The following FNDC3B variants were observed in gnomAD, a reference collection of about 807,000 sequenced individuals.
The protein encoded by FNDC3B is fibronectin type III domain containing 3B, also known as fibronectin type III domain-containing protein 3B.
A neutral mutation model predicts 151.5 loss-of-function variants in FNDC3B; 12 were observed. The ratio of observed to expected loss-of-function variants is 0.08; its 90% CI spans 0.05 to 0.13. The LOEUF is 0.13. Ranked by LOEUF, FNDC3B falls within the 10% of genes least tolerant of loss-of-function variation. The pLI is 1.00. For missense variants in FNDC3B, 1,214 were observed against 1,505.3 expected, an observed-to-expected ratio of 0.81 and a Z score of 3.20; for synonymous variants, 528 against 549.0, an observed-to-expected ratio of 0.96 and a Z score of 0.54.
intron 5 of FNDC3B, among the ~76,000 whole-genome samples, chr3:172,249,582 A>G (rs1727958967): frequency 6.6e-6 from 1 of 152,204 alleles, no homozygotes; most frequent in South Asian, 2.1e-4. Context: ...TCTAAACTAT[A>G]AGAGTTTTAA....
intron 4 of FNDC3B, among the ~76,000 whole-genome samples, chr3:172,229,117 AC>A (rs1560028716): frequency 2.8e-4 from 42 of 151,258 alleles, no homozygotes; most frequent in Middle Eastern, 6.8e-3. Context: ...ACACACACAC[AC>A]ACACACACAC....
intron 3 of FNDC3B, among the ~76,000 whole-genome samples, chr3:172,135,105 C>CT (rs767400475): frequency 2.0e-5 from 3 of 152,048 alleles, no homozygotes; most frequent in Non-Finnish European, 4.4e-5. Context: ...GTAACATTGG[C>CT]ACCCCATTAA....
intron 1 of FNDC3B, among the ~76,000 whole-genome samples, chr3:172,055,606 G>C (rs150485519): frequency 6.6e-6 from 1 of 152,072 alleles, no homozygotes; most frequent in African/African-American, 2.4e-5. Flanking sequence ...GATTATTTTA[G>C]CTTCATTTAG....
intron 22 of FNDC3B, among the ~76,000 whole-genome samples, chr3:172,356,081 T>G (rs1734081576): frequency 6.6e-6 from 1 of 152,224 alleles, no homozygotes; most frequent in Non-Finnish European, 1.5e-5. Context: ...TAAAAAAGGC[T>G]TAAAAATAAC....
intron 23 of FNDC3B, among the ~76,000 whole-genome samples, chr3:172,368,386 C>T (rs1163329486): frequency 1.3e-5 from 2 of 152,036 alleles, no homozygotes; most frequent in East Asian, 1.9e-4. Flanking sequence ...ACCATGTTGC[C>T]AAATTAAATG....
intron 1 of FNDC3B, among the ~76,000 whole-genome samples, chr3:172,097,847 G>A (rs1431421023): frequency 6.6e-6 from 1 of 152,122 alleles, no homozygotes; most frequent in Non-Finnish European, 1.5e-5. Context: ...TTATTTTACA[G>A]CAGCTGCCTT....
At chr3:172,236,924 G>T (rs1222265611) in intron 4 of FNDC3B, among the ~76,000 whole-genome samples, 1 of 152,232 alleles carries the variant, frequency 6.6e-6, no homozygotes, top group Non-Finnish European at 1.5e-5. Flanking sequence ...TCATTGGACA[G>T]TAGCACCTGG....
At chr3:172,298,526 A>C (rs1730752036) in intron 8 of FNDC3B, among the ~76,000 whole-genome samples, 1 of 152,260 alleles carries the variant, frequency 6.6e-6, no homozygotes, top group African/African-American at 2.4e-5. Flanking sequence ...TCGAGATCTA[A>C]GATGGCATCA....
chr3:172,155,344 T>A (rs1722430313), intron 3 of FNDC3B, among the ~76,000 whole-genome samples: 1 of 152,188 alleles, frequency 6.6e-6, no homozygotes, highest in African/African-American at 2.4e-5. Flanking sequence ...GATTGTTGGA[T>A]GAGTTTTGGT....
chr3:172,382,811 T>C (rs1289615001), intron 25 of FNDC3B, among the ~76,000 whole-genome samples: 3 of 152,220 alleles, frequency 2.0e-5, no homozygotes, highest in Non-Finnish European at 2.9e-5. Context: ...CCCTCTGTTA[T>C]GTTCCATTGG....
At chr3:172,288,702 CCT>C (rs1487854443) in intron 7 of FNDC3B, among the ~76,000 whole-genome samples, 15 of 152,274 alleles carry the variant, frequency 9.9e-5, no homozygotes, top group Admixed American at 3.3e-4. Context: ...TATCTCATGC[CCT>C]TTTTAACAGT....
At chr3:172,187,310 C>T (rs980807260) in intron 3 of FNDC3B, 4 of 152,232 alleles carry the variant, frequency 2.6e-5, no homozygotes, top group Non-Finnish European at 4.4e-5. Flanking sequence ...TTGACCTCTT[C>T]TTATTCATTG....
intron 4 of FNDC3B, among the ~76,000 whole-genome samples, chr3:172,231,612 G>A (rs1726893561): frequency 1.3e-5 from 2 of 152,108 alleles, no homozygotes; most frequent in Non-Finnish European, 2.9e-5. Flanking sequence ...GTGCTAAATG[G>A]TTTATTTTTA....
At chr3:172,377,794 C>T (rs932245666) in intron 23 of FNDC3B, among the ~76,000 whole-genome samples, 9 of 151,964 alleles carry the variant, frequency 5.9e-5, no homozygotes, top group East Asian at 1.9e-4. Flanking sequence ...TTGGTAAGAT[C>T]GATAAAAGTT....
At chr3:172,349,149 A>G (rs1733742674) in intron 21 of FNDC3B, among the ~76,000 whole-genome samples, 2 of 151,976 alleles carry the variant, frequency 1.3e-5, no homozygotes, top group Admixed American at 1.3e-4. Context: ...TACAAAAATT[A>G]GCCAGGCATC....
chr3:172,200,848 G>C (rs986423497), intron 3 of FNDC3B, among the ~76,000 whole-genome samples: 5 of 152,154 alleles, frequency 3.3e-5, no homozygotes, highest in African/African-American at 1.2e-4. Context: ...TGAAAACTAG[G>C]TAAAAATGGA....
chr3:172,180,052 TTTCTCTTC>T (rs1723811352), intron 3 of FNDC3B, among the ~76,000 whole-genome samples: 1 of 152,124 alleles, frequency 6.6e-6, no homozygotes, highest in African/African-American at 2.4e-5. Flanking sequence ...CATACAAACA[TTTCTCTTC>T]TTCTCTTCAT....
chr3:172,226,742 T>G, intron 3 of FNDC3B, 129 bp from the exon 4 acceptor site: 1 of 604,208 alleles, frequency 1.7e-6, no homozygotes, highest in Non-Finnish European at 3.0e-6. Flanking sequence ...AGGCAATATA[T>G]ACCAACTTTT....
chr3:172,137,198 GAA>G (rs1721416136), intron 3 of FNDC3B, among the ~76,000 whole-genome samples: 2 of 152,144 alleles, frequency 1.3e-5, no homozygotes, highest in Admixed American at 6.5e-5. Context: ...GGCCTTCCTG[GAA>G]ACTTTGAAAT....
Sources: gnomAD v4.1 joint callset for allele counts (sites outside exome capture counted in the v4.1 genomes callset) on GRCh38, gnomAD v4.1.1 for gene constraint, MANE v1.5 for transcripts, NCBI Gene and HGNC (gene_info 2026-07-23, HGNC 2026-07-21) for gene names.